The following PDE2A variants were observed in gnomAD, a reference collection of about 807,000 sequenced individuals.
The protein encoded by PDE2A is phosphodiesterase 2A.
In PDE2A, 53 loss-of-function variants were observed where a neutral mutation model predicts 133.6. The observed-to-expected ratio is 0.40, with a 90% CI of 0.32 to 0.50. PDE2A has a LOEUF of 0.50. Ranked by LOEUF, PDE2A falls within the 20% of genes least tolerant of loss-of-function variation. The pLI, the probability that PDE2A is intolerant of heterozygous loss-of-function variation, is 0.73. For synonymous variants in PDE2A, 491 were observed against 490.2 expected, an observed-to-expected ratio of 1.00 and a Z score of -0.02; for missense variants, 796 against 1,232.4, an observed-to-expected ratio of 0.65 and a Z score of 5.30.
Position 72,582,481 on chromosome 11 carries a change from T to A in PDE2A, c.1814A>T (p.Tyr605Phe), listed in dbSNP as rs1481837517. The change falls in exon 21 of 31, where the codon TAT (tyrosine) becomes TTT (phenylalanine). Residue 605 changes from tyrosine (Y) to phenylalanine (F), a missense_variant. Coordinates refer to ENST00000334456, the MANE Select transcript of PDE2A (RefSeq NM_002599.5). ...AIDSNFASFT[Y>F]TPRSLPEDDT... ...ATCCTCGGGCAGGGAACGAGGGGTA[T>A]AGGTGAAACTTGCAAAATTGGAGTC... 6.2e-7 allele frequency: 1 copy of A among 1,613,040 alleles called. No individual in the cohort carries two copies. The highest frequency in any genetic ancestry group is 8.5e-7 in the Non-Finnish European group (1 of 1,179,012).
intron 7 of PDE2A, chr11:72,591,004 T>C (rs1408600645): frequency 1.8e-5 from 8 of 438,840 alleles, no homozygotes; most frequent in Non-Finnish European, 2.9e-5. Context: ...TGCTTCCCCA[T>C]AAATCCATCA....
At chr11:72,622,725 T>G (rs1201821704) in intron 2 of PDE2A, among the ~76,000 whole-genome samples, 1 of 152,138 alleles carries the variant, frequency 6.6e-6, no homozygotes, top group Non-Finnish European at 1.5e-5. Flanking sequence ...GTTTAATAGG[T>G]GCAGAGTTTC....
At chr11:72,630,593 C>T (rs1858326582) in intron 2 of PDE2A, among the ~76,000 whole-genome samples, 1 of 150,938 alleles carries the variant, frequency 6.6e-6, no homozygotes, top group Admixed American at 6.6e-5. Context: ...GGGTGGGGAG[C>T]ATGGAGGATT....
chr11:72,601,021 G>A (rs1856718493), intron 4 of PDE2A, among the ~76,000 whole-genome samples: 4 of 150,798 alleles, frequency 2.7e-5, no homozygotes, highest in Non-Finnish European at 4.4e-5. Context: ...TCCTTCTCGC[G>A]TTCTCTACTT....
chr11:72,582,899 C>T (rs778911533), intron 20 of PDE2A, among the ~76,000 whole-genome samples: 30 of 152,238 alleles, frequency 2.0e-4, no homozygotes, highest in Admixed American at 7.9e-4. Flanking sequence ...CCTTTCTACT[C>T]TCTAACCTTA....
At chr11:72,643,795 C>T (rs1024300879) in intron 1 of PDE2A, among the ~76,000 whole-genome samples, 1 of 152,158 alleles carries the variant, frequency 6.6e-6, no homozygotes, top group East Asian at 1.9e-4. Flanking sequence ...TGGCAGAGCC[C>T]GGCCACCCCA....
Position 72,608,681 on chromosome 11 carries a change from G to C in PDE2A, c.215C>G (p.Ser72Ter). Residue 72 changes from serine to a stop codon, truncating the protein, a stop_gained, in exon 3 of 31, where the codon TCA becomes TGA. Coordinates refer to ENST00000334456, the MANE Select transcript of PDE2A (RefSeq NM_002599.5). LOFTEE classifies it high-confidence loss of function. Reference sequence around the variant, plus strand: ...ACCTACCACTCGGGGGAGCACAGCTGACAGGGCCTCCTTGACAGCACGTTG... The same window carrying C: ...ACCTACCACTCGGGGGAGCACAGCTCACAGGGCCTCCTTGACAGCACGTTG... The part of the protein sequence containing the change: ...GLQRAVKEAL[S>*]AVLPRVETVY... 6.4e-7 allele frequency: 1 copy of C among 1,569,030 alleles called. No homozygotes were observed. Among genetic ancestry groups the C allele is most frequent in the Non-Finnish European group, 8.7e-7 (1 of 1,154,200 alleles).
chr11:72,626,374 GC>G (rs1290381153), intron 2 of PDE2A, among the ~76,000 whole-genome samples: 3 of 152,206 alleles, frequency 2.0e-5, no homozygotes, highest in African/African-American at 7.2e-5. Flanking sequence ...AGATGGCAGG[GC>G]CTCAGGACCC....
chr11:72,644,298 CAG>C (rs1249509131), intron 1 of PDE2A, among the ~76,000 whole-genome samples: 8 of 152,230 alleles, frequency 5.3e-5, no homozygotes, highest in East Asian at 1.9e-4. Context: ...ATCTTCCAAA[CAG>C]GGGCAATTCA....
intron 14 of PDE2A, 63 bp from the exon 15 acceptor site, chr11:72,585,656 C>T (rs424234): frequency 1 from 1,477,737 of 1,483,574 alleles, 736,115 homozygotes; most frequent in East Asian, 1. Flanking sequence ...TATCCAACCT[C>T]CTGCCTCCAA....
Position 72,586,158 on chromosome 11 carries a change from A to AG in PDE2A, c.1093_1094insC (p.Val365AlafsTer28). On this transcript the variant is annotated frameshift_variant, in exon 14 of 31. Coordinates refer to ENST00000334456, the MANE Select transcript of PDE2A (RefSeq NM_002599.5). LOFTEE classifies it high-confidence loss of function. ...GGTGTAGTGGAAGCAGTGCTGGATC[A>AG]CATGCTCGTCCTCGTCGGTGAACCT... 6.2e-7 allele frequency: 1 copy of AG among 1,612,144 alleles called. No individual in the cohort carries two copies. The highest frequency in any genetic ancestry group is 1.1e-5 in the South Asian group (1 of 90,720).
At chr11:72,667,781 C>A (rs1304165278) in intron 1 of PDE2A, among the ~76,000 whole-genome samples, 1 of 150,790 alleles carries the variant, frequency 6.6e-6, no homozygotes, top group African/African-American at 2.4e-5. Context: ...GAGGCCCAGG[C>A]AGGAGGATAG....
rs770924633 is a variant in PDE2A at position 72,589,253 on chromosome 11, G to A, written c.874-13C>T. On this transcript the variant is annotated splice_polypyrimidine_tract_variant and intron_variant, in intron 11 of 30. Coordinates refer to ENST00000334456, the MANE Select transcript of PDE2A (RefSeq NM_002599.5). ...GGCATCCTGTCAACTAGGGGGTGAG[G>A]AGAGACTGAGTCAGGGCCCAGTACT... is the stretch of plus-strand genomic sequence containing the variant. 6 of 1,606,816 alleles carry A rather than the reference G, an allele frequency of 3.7e-6. No individual in the cohort carries two copies. Among genetic ancestry groups the A allele is most frequent in the Admixed American group, 1.7e-5 (1 of 59,908 alleles).
At chr11:72,584,169 AC>A in intron 19 of PDE2A, 31 bp downstream of exon 19, 1 of 877,934 alleles carries the variant, frequency 1.1e-6, no homozygotes, top group Non-Finnish European at 1.8e-6. Flanking sequence ...GCCCCCTATC[AC>A]CCCACACCCC....
chr11:72,662,017 T>C (rs1014824231), intron 1 of PDE2A, among the ~76,000 whole-genome samples: 1 of 152,198 alleles, frequency 6.6e-6, no homozygotes, highest in Non-Finnish European at 1.5e-5. Context: ...TTCTGTGTTA[T>C]TGGGTTTTTC....
intron 27 of PDE2A, 68 bp from the exon 28 acceptor site, chr11:72,579,077 C>T: frequency 8.2e-7 from 1 of 1,224,382 alleles, no homozygotes; most frequent in Non-Finnish European, 1.2e-6. Context: ...ACAAGGCTCC[C>T]AGGGCCCAAC....
chr11:72,630,232 CA>C (rs1326576781), intron 2 of PDE2A, among the ~76,000 whole-genome samples: 1 of 152,188 alleles, frequency 6.6e-6, no homozygotes, highest in Non-Finnish European at 1.5e-5. Flanking sequence ...ATGAAGAAAG[CA>C]CAGTCCCGAG....
chr11:72,589,279 C>A, intron 11 of PDE2A, 39 bp from the exon 12 acceptor site: 1 of 1,500,550 alleles, frequency 6.7e-7, no homozygotes, highest in Non-Finnish European at 9.3e-7. Flanking sequence ...GCCCAGTACT[C>A]CCCAGGTCAG....
chr11:72,666,942 C>G (rs144511874), intron 1 of PDE2A, among the ~76,000 whole-genome samples: 1 of 152,266 alleles, frequency 6.6e-6, no homozygotes, highest in East Asian at 1.9e-4. Context: ...CCCATCTCTA[C>G]TAAAAATACA....
Sources: gnomAD v4.1 joint callset for allele counts (sites outside exome capture counted in the v4.1 genomes callset) on GRCh38, gnomAD v4.1.1 for gene constraint, MANE v1.5 for transcripts, NCBI Gene and HGNC (gene_info 2026-07-23, HGNC 2026-07-21) for gene names.